Variants in MAP7D2 observed in about 807,000 individuals in gnomAD.
MAP7D2 encodes the protein MAP7 domain containing 2, also known as MAP7 domain-containing protein 2.
In MAP7D2, 33 loss-of-function variants were observed where a neutral mutation model predicts 63.5. That is an observed-to-expected ratio of 0.52 (90% CI 0.39 to 0.70). MAP7D2 has a LOEUF of 0.70. Ranked by LOEUF, MAP7D2 falls within the 30% of genes least tolerant of loss-of-function variation. MAP7D2 has a pLI of 0.00. For missense variants in MAP7D2, 626 were observed against 604.0 expected, an observed-to-expected ratio of 1.04 and a Z score of -0.38; for synonymous variants, 224 against 223.7, an observed-to-expected ratio of 1.00 and a Z score of -0.01.
chrX:20,069,446 C>A (rs142048211), intron 1 of MAP7D2, among the ~76,000 whole-genome samples: 2 of 111,057 alleles, frequency 1.8e-5, no homozygotes, highest in African/African-American at 6.6e-5. Flanking sequence ...TAGGCTAAAG[C>A]AATCTTCCTG....
chrX:20,035,921 T>A (rs199860018), intron 8 of MAP7D2, among the ~76,000 whole-genome samples: 10 of 51,018 alleles, frequency 2.0e-4, no homozygotes, highest in South Asian at 1.6e-3. Flanking sequence ...TCAAAAAAAA[T>A]ATATATGTGT....
intron 1 of MAP7D2, among the ~76,000 whole-genome samples, chrX:20,109,941 CAGG>C (rs1050845412): frequency 9.1e-5 from 10 of 110,197 alleles, no homozygotes; most frequent in African/African-American, 3.3e-4. Context: ...GAGGCTAAGG[CAGG>C]AGAATCACTT....
intron 12 of MAP7D2, among the ~76,000 whole-genome samples, chrX:20,014,623 G>T (rs2073321455): frequency 8.9e-6 from 1 of 111,893 alleles, no homozygotes; most frequent in African/African-American, 3.2e-5. Context: ...AATATCACTA[G>T]AGACAAAGGC....
At position 20,070,870 on chromosome X, in the gene MAP7D2, T is replaced by C. The variant is rs140248968; in HGVS notation, c.131-6065A>G. On this transcript the variant is annotated intron_variant, in intron 1 of 16. Coordinates refer to ENST00000379643, the MANE Select transcript of MAP7D2 (RefSeq NM_001168465.2). ...TTTATTAGCTTGAAGTACTCTCCTA[T>C]AGAATATTAATGACCTGATATTAGT... is the stretch of plus-strand genomic sequence containing the variant. Among the ~76,000 whole-genome samples, 1,069 of 112,400 alleles carry C rather than the reference T, an allele frequency of 9.5e-3. 18 individuals carry two copies. The highest frequency in any genetic ancestry group is 0.033 in the African/African-American group (1,008 of 30,944).
At chrX:20,097,575 G>A (rs1013724454) in intron 1 of MAP7D2, among the ~76,000 whole-genome samples, 3 of 112,406 alleles carry the variant, frequency 2.7e-5, no homozygotes, top group Non-Finnish European at 3.8e-5. Flanking sequence ...TGTCAGTGTT[G>A]CATTAGGCAA....
chrX:20,074,755 CAG>C (rs1489956976), intron 1 of MAP7D2, among the ~76,000 whole-genome samples: 1 of 111,763 alleles, frequency 8.9e-6, no homozygotes, highest in Non-Finnish European at 1.9e-5. Context: ...CAACCCTTAA[CAG>C]TGTTAAAATG....
chrX:20,025,597 T>TC, intron 9 of MAP7D2, 84 bp downstream of exon 9: 1 of 1,117,478 alleles, frequency 8.9e-7, no homozygotes, highest in Non-Finnish European at 1.2e-6. Flanking sequence ...TCCCTTTCCC[T>TC]CCCCAAAACA....
intron 1 of MAP7D2, among the ~76,000 whole-genome samples, chrX:20,094,454 G>A (rs1302628837): frequency 1.3e-5 from 1 of 79,444 alleles, no homozygotes; most frequent in African/African-American, 4.2e-5. Context: ...ATTATGAGAC[G>A]TTTCAAGGAA....
At chrX:20,021,561 G>A (rs1331868874) in intron 10 of MAP7D2, 1 of 111,515 alleles carries the variant, frequency 9.0e-6, no homozygotes, top group Non-Finnish European at 1.9e-5. Context: ...TGGCAAGAGA[G>A]AGGAAAACTC....
At chrX:20,055,770 C>A (rs1235042446) in intron 4 of MAP7D2, 3 of 995,717 alleles carry the variant, frequency 3.0e-6, no homozygotes, top group Non-Finnish European at 3.9e-6. Context: ...GTGGTCCCTG[C>A]ATCCGGAGGG....
At chrX:20,058,415 T>C (rs905057016) in intron 3 of MAP7D2, among the ~76,000 whole-genome samples, 1 of 112,312 alleles carries the variant, frequency 8.9e-6, no homozygotes, top group Admixed American at 9.4e-5. Flanking sequence ...ATTTCCTACA[T>C]GCCAGAAGGA....
At chrX:20,059,589 TGGAAGGAAGGAA>T (rs778547441) in intron 3 of MAP7D2, among the ~76,000 whole-genome samples, 15 of 74,150 alleles carry the variant, frequency 2.0e-4, no homozygotes, top group East Asian at 1.1e-3. Flanking sequence ...AGTGGAAGGG[TGGAAGGAAGGAA>T]GGAAGGAAGG....
chrX:20,024,900 C>T, intron 10 of MAP7D2, 51 bp downstream of exon 10: 1 of 1,175,144 alleles, frequency 8.5e-7, no homozygotes, highest in Non-Finnish European at 1.1e-6. Flanking sequence ...GCTGCTCTTT[C>T]CAACACAACA....
chrX:20,080,930 G>C (rs2065762226), intron 1 of MAP7D2, among the ~76,000 whole-genome samples: 1 of 111,915 alleles, frequency 8.9e-6, no homozygotes. Flanking sequence ...TGGCTTTCAG[G>C]TTACATATCA....
chrX:20,080,687 G>A (rs777003174), intron 1 of MAP7D2, among the ~76,000 whole-genome samples: 1 of 111,449 alleles, frequency 9.0e-6, no homozygotes, highest in Non-Finnish European at 1.9e-5. Context: ...CAGTGCCCTG[G>A]GAGCAGGGGC....
intron 8 of MAP7D2, among the ~76,000 whole-genome samples, chrX:20,041,248 C>T (rs1042187794): frequency 5.4e-5 from 6 of 111,287 alleles, no homozygotes; most frequent in African/African-American, 2.0e-4. Flanking sequence ...GGAAACGGAT[C>T]GTAGAGTCCA....
intron 12 of MAP7D2, among the ~76,000 whole-genome samples, chrX:20,014,599 A>G (rs1386810587): frequency 8.9e-6 from 1 of 112,166 alleles, no homozygotes; most frequent in African/African-American, 3.2e-5. Flanking sequence ...GTCAAAGTAG[A>G]CTTTAAGACA....
chrX:20,088,536 G>A (rs780057212), intron 1 of MAP7D2, among the ~76,000 whole-genome samples: 1 of 87,505 alleles, frequency 1.1e-5, no homozygotes, highest in African/African-American at 4.0e-5. Flanking sequence ...TCTTGCCCTG[G>A]CTGGTCTCAA....
At position 20,064,798 on chromosome X, in the gene MAP7D2, C is replaced by T. The variant is rs781651303; in HGVS notation, c.138G>A (p.Glu46=). The T allele has an allele frequency of 5.0e-6, 6 of 1,206,657 alleles. No individual in the cohort carries two copies. The Admixed American group carries it at 1.3e-4, about 26-fold the overall frequency. ...GCCTCTCATCTGATTTCAAAAATCC[C>T]TCCATGCCTACAAAGGAGAAAACTA... The part of the protein sequence containing the change: ...SQPNYRPQGM[E]GFLKSDERQR... The change falls in exon 2 of 17, where the codon GAG becomes GAA. Residue 46 remains glutamate (E), a synonymous_variant. Coordinates refer to ENST00000379643, the MANE Select transcript of MAP7D2 (RefSeq NM_001168465.2).
Sources: allele counts gnomAD v4.1 joint callset (sites outside exome capture counted in the v4.1 genomes callset), GRCh38; gene constraint gnomAD v4.1.1; transcripts MANE v1.5; gene names NCBI Gene and HGNC (gene_info 2026-07-23, HGNC 2026-07-21).